SMG6: variants seen among roughly 807,000 people sequenced by gnomAD.
SMG6 encodes the protein telomerase-binding protein EST1A.
A neutral mutation model predicts 142.2 loss-of-function variants in SMG6; 66 were observed. The observed-to-expected ratio is 0.46, with a 90% CI of 0.38 to 0.57. The LOEUF (loss-of-function observed/expected upper bound fraction) is 0.57, where lower values mean the gene tolerates loss of function less well. Among genes scored for constraint, SMG6 ranks in the 20% least tolerant of loss-of-function variants. SMG6 has a pLI of 0.00. For missense variants in SMG6, 1,793 were observed against 1,832.0 expected, an observed-to-expected ratio of 0.98 and a Z score of 0.39; for synonymous variants, 779 against 702.4, an observed-to-expected ratio of 1.11 and a Z score of -1.72.
At chr17:2,276,606 G>A (rs1298269179) in intron 8 of SMG6, among the ~76,000 whole-genome samples, 2 of 151,964 alleles carry the variant, frequency 1.3e-5, no homozygotes, top group Non-Finnish European at 2.9e-5. Context: ...GGCTTGTCTC[G>A]AACTTCCAAC....
chr17:2,116,321 C>T (rs924022525), intron 13 of SMG6, among the ~76,000 whole-genome samples: 6 of 152,156 alleles, frequency 3.9e-5, no homozygotes, highest in Admixed American at 3.9e-4. Flanking sequence ...TCAAGGGATC[C>T]TCCCGCCTCG....
intron 15 of SMG6, among the ~76,000 whole-genome samples, chr17:2,077,509 A>G (rs1479791536): frequency 6.6e-6 from 1 of 152,200 alleles, no homozygotes; most frequent in Non-Finnish European, 1.5e-5. Context: ...CATGAACAAA[A>G]ACCCGAGTGG....
At chr17:2,094,318 T>C (rs755650943) in intron 13 of SMG6, among the ~76,000 whole-genome samples, 9 of 152,082 alleles carry the variant, frequency 5.9e-5, no homozygotes, top group Non-Finnish European at 1.3e-4. Context: ...TGGCGAGATA[T>C]CAGCTCACTG....
rs2069434899 is a variant in SMG6 at position 2,114,436 on chromosome 17, G to A, written c.3358-28535C>T. Among the ~76,000 whole-genome samples, 4 of 152,182 alleles carry A rather than the reference G, an allele frequency of 2.6e-5. No homozygotes were observed. The South Asian group carries it at 8.3e-4, about 32-fold the overall frequency. ...TGAAGAAAGCATCCATCAGTACTAGGCAACCCCATACCAGAAACTTTGGGA... is the reference window on the plus strand; with the variant it reads ...TGAAGAAAGCATCCATCAGTACTAGACAACCCCATACCAGAAACTTTGGGA... On this transcript the variant is annotated intron_variant, in intron 13 of 18. Transcript: ENST00000263073.
At chr17:2,076,167 T>C (rs1160977446) in intron 15 of SMG6, among the ~76,000 whole-genome samples, 1 of 151,986 alleles carries the variant, frequency 6.6e-6, no homozygotes, top group Non-Finnish European at 1.5e-5. Context: ...TCCCCAAACA[T>C]GCGTGGTTCC....
At chr17:2,284,187 A>G (rs916081387) in intron 6 of SMG6, among the ~76,000 whole-genome samples, 2 of 152,206 alleles carry the variant, frequency 1.3e-5, no homozygotes, top group African/African-American at 4.8e-5. Flanking sequence ...AAAAGACTCC[A>G]AGATTATTAC....
At chr17:2,173,608 G>A (rs183178932) in intron 12 of SMG6, among the ~76,000 whole-genome samples, 3 of 152,222 alleles carry the variant, frequency 2.0e-5, no homozygotes, top group Admixed American at 1.3e-4. Context: ...AAAGTCCCAC[G>A]TCCCCAGAAA....
At chr17:2,268,247 C>T (rs2151350208) in intron 8 of SMG6, among the ~76,000 whole-genome samples, 1 of 152,212 alleles carries the variant, frequency 6.6e-6, no homozygotes, top group Middle Eastern at 3.4e-3. Flanking sequence ...GGCTCTCAAA[C>T]TATAAACCTA....
intron 10 of SMG6, among the ~76,000 whole-genome samples, chr17:2,214,970 G>A (rs1238040192): frequency 3.3e-5 from 5 of 152,108 alleles, no homozygotes; most frequent in Admixed American, 6.5e-5. Context: ...GAATGCTCTC[G>A]ACAGGAAAAA....
chr17:2,188,513 A>T lies in SMG6; in HGVS notation c.2872T>A (p.Cys958Ser), dbSNP rs1455958910. Residue 958 changes from cysteine to serine, a missense_variant and splice_region_variant, in exon 11 of 19, where the codon TGC (cysteine) becomes AGC (serine). Around this residue, in one of 3 missense-constraint regions of SMG6, gnomAD observed 1,597 missense variants for 1,584.6 expected, o/e 1.01. Coordinates refer to ENST00000263073, the MANE Select transcript of SMG6 (RefSeq NM_017575.5). ...FAVHNSQLKD[C>S]FSEECRSVIQ... ...ACAGAGCGGCACTCCTCCGAGAAGC[A>T]GTCTGCGGACAGGCAAATGAAACTC... is the stretch of plus-strand genomic sequence containing the variant. 7 of 1,613,530 alleles carry T rather than the reference A, an allele frequency of 4.3e-6. No individual in the cohort carries two copies. The highest frequency in any genetic ancestry group is 5.9e-6 in the Non-Finnish European group (7 of 1,179,836).
intron 8 of SMG6, among the ~76,000 whole-genome samples, chr17:2,252,196 G>A (rs1304542528): frequency 1.3e-5 from 2 of 152,100 alleles, no homozygotes; most frequent in Non-Finnish European, 1.5e-5. Flanking sequence ...GGCAGATCAC[G>A]AGGTCAAGAG....
At chr17:2,242,689 T>TAA (rs57079220) in intron 9 of SMG6, among the ~76,000 whole-genome samples, 2 of 55,844 alleles carry the variant, frequency 3.6e-5, no homozygotes, top group African/African-American at 7.6e-5. Context: ...TCCATCTCTT[T>TAA]AAAAAAAAAA....
intron 10 of SMG6, among the ~76,000 whole-genome samples, chr17:2,225,379 T>G (rs2073288090): frequency 6.6e-6 from 1 of 151,052 alleles, no homozygotes; most frequent in South Asian, 2.1e-4. Flanking sequence ...GTCATGCCCT[T>G]GTAATCCCAG....
At chr17:2,274,029 A>T (rs1286721174) in intron 8 of SMG6, among the ~76,000 whole-genome samples, 1 of 152,258 alleles carries the variant, frequency 6.6e-6, no homozygotes, top group Non-Finnish European at 1.5e-5. Flanking sequence ...CCACTGGAAC[A>T]GAAGTTGGCA....
intron 8 of SMG6, among the ~76,000 whole-genome samples, chr17:2,266,518 T>C (rs1324995991): frequency 5.9e-5 from 9 of 152,188 alleles, no homozygotes; most frequent in Admixed American, 5.9e-4. Flanking sequence ...GAGAGGTTTC[T>C]TCAGTGTGGA....
intron 13 of SMG6, among the ~76,000 whole-genome samples, chr17:2,149,666 T>C (rs2070770806): frequency 6.6e-6 from 1 of 152,292 alleles, no homozygotes; most frequent in South Asian, 2.1e-4. Context: ...AGGCCAAATA[T>C]TGTCCTCAGC....
chr17:2,199,395 G>C (rs927187007), intron 10 of SMG6, among the ~76,000 whole-genome samples: 1 of 151,996 alleles, frequency 6.6e-6, no homozygotes, highest in Non-Finnish European at 1.5e-5. Flanking sequence ...CACTTTGGGA[G>C]GCTGAGGTGG....
chr17:2,232,080 G>A (rs879840597), intron 10 of SMG6, among the ~76,000 whole-genome samples: 3 of 151,788 alleles, frequency 2.0e-5, no homozygotes, highest in Non-Finnish European at 4.4e-5. Context: ...GAGAACAAGA[G>A]GGGGAGAGAA....
At chr17:2,123,275 G>A (rs2069761788) in intron 13 of SMG6, among the ~76,000 whole-genome samples, 1 of 152,218 alleles carries the variant, frequency 6.6e-6, no homozygotes, top group Non-Finnish European at 1.5e-5. Context: ...GGGGAGGGGA[G>A]GAGTAGACCC....
Sources: allele counts gnomAD v4.1 joint callset (sites outside exome capture counted in the v4.1 genomes callset), GRCh38; gene constraint gnomAD v4.1.1; regional missense constraint gnomAD v4.1.1; transcripts MANE v1.5; gene names NCBI Gene and HGNC (gene_info 2026-07-23, HGNC 2026-07-21).